Variants in CCDC74B observed in about 807,000 individuals in gnomAD.
The protein encoded by CCDC74B is coiled-coil domain-containing protein 74B.
In CCDC74B, 34 loss-of-function variants were observed where a neutral mutation model predicts 38.0. The ratio of observed to expected loss-of-function variants is 0.89; its 90% confidence interval spans 0.68 to 1.19. CCDC74B has a LOEUF of 1.19. Ranked by LOEUF, CCDC74B falls within the 50% of genes most tolerant of loss-of-function variation. The probability of loss-of-function intolerance (pLI) is 0.00; values close to 1 mark genes in which losing one functional copy is unlikely to be tolerated. For missense variants in CCDC74B, 358 were observed against 406.0 expected (o/e 0.88, Z 1.02); for synonymous variants, 132 against 170.4 (o/e 0.77, Z 1.76).
chr2:130,139,761 A>G (rs1323567605), intron 7 of CCDC74B, 71 bp from the exon 8 acceptor site: 22 of 1,607,488 alleles, frequency 1.4e-5, no homozygotes, highest in East Asian at 6.7e-5. Flanking sequence ...TGCGGCCTGC[A>G]TGGCCCTCAC....
chr2:130,142,305 C>A (rs1257004301), intron 2 of CCDC74B, 122 bp from the exon 3 acceptor site: 1 of 1,610,130 alleles, frequency 6.2e-7, no homozygotes, highest in Non-Finnish European at 8.5e-7. Context: ...CCGGCTCTAC[C>A]CACACTCCGT....
chr2:130,142,564 C>G (rs1280533098), intron 2 of CCDC74B: 2 of 1,550,578 alleles, frequency 1.3e-6, no homozygotes, highest in Non-Finnish European at 1.7e-6. Context: ...TCCCTCAACC[C>G]CATTCTCCAT....
intron 2 of CCDC74B, 87 bp from the exon 3 acceptor site, chr2:130,142,270 T>C (rs1472608993): frequency 6.2e-7 from 1 of 1,600,448 alleles, no homozygotes; most frequent in Non-Finnish European, 8.5e-7. Context: ...GGAGCCCTCC[T>C]TCAGCCTGGC....
rs1297998752 is a variant in CCDC74B at position 130,139,910 on chromosome 2, T to C, written c.790A>G (p.Lys264Glu). 2 of 1,612,484 alleles carry C rather than the reference T, an allele frequency of 1.2e-6. No homozygotes were observed. The highest frequency in any genetic ancestry group is 1.7e-6 in the Non-Finnish European group (2 of 1,179,314). ...EATHFPKVST[K>E]SLSKKCLLLS... ...ACTTACCATTTCTTGGAGAGGCTCT[T>C]GGTGGAGACCTTGGGGAAATGCGTG... is the stretch of plus-strand genomic sequence containing the variant. Residue 264 changes from lysine (K) to glutamate (E), a missense_variant, in exon 7 of 8, where the codon AAG becomes GAG. Around this residue, in one of 3 missense-constraint regions of CCDC74B, gnomAD observed 213 missense variants for 212.3 expected, o/e 1.00. Transcript: ENST00000409943.
intron 4 of CCDC74B, chr2:130,140,950 G>C (rs1242513103): frequency 1.0e-5 from 8 of 773,248 alleles, no homozygotes; most frequent in Non-Finnish European, 1.6e-5. Flanking sequence ...AGGACCCCCA[G>C]GGGAAGGGAG....
At position 130,141,261 on chromosome 2, in the gene CCDC74B, G is replaced by C. The variant is rs746663214; in HGVS notation, c.382C>G (p.Gln128Glu). ...TGGGGGACGTCAGCTTTTGAATCTT[G>C]CTTGTTGAAGGAGCCGGGCTGGGGC... ...ARPQPGSFNKQDSKADVPQKA... is the reference protein window; with the variant it reads ...ARPQPGSFNKEDSKADVPQKA... Residue 128 changes from glutamine (Q) to glutamate (E), a missense_variant, in exon 4 of 8, where the codon CAA (glutamine) becomes GAA (glutamate). Physicochemically the swap from Gln to Glu is conservative, Grantham distance 29. Coordinates refer to ENST00000409943, the MANE Select transcript of CCDC74B (RefSeq NM_001258307.2). The C allele has an allele frequency of 1.2e-6, 2 of 1,605,008 alleles. No homozygotes were observed. Among genetic ancestry groups the C allele is most frequent in the South Asian group, 2.2e-5 (2 of 90,914 alleles).
intron 2 of CCDC74B, 48 bp downstream of exon 2, chr2:130,143,221 C>G (rs1685779073): frequency 1.3e-6 from 2 of 1,597,426 alleles, no homozygotes; most frequent in Non-Finnish European, 1.7e-6. Flanking sequence ...AGGGGCTCCC[C>G]TGGGTGGCAA....
At chr2:130,141,768 A>G in intron 3 of CCDC74B, 2 of 430,982 alleles carry the variant, frequency 4.6e-6, no homozygotes, top group Non-Finnish European at 8.4e-6. Flanking sequence ...GGGCAGTGCC[A>G]TCCCTCCTGT....
At chr2:130,143,666 T>A (rs1685820491) in intron 1 of CCDC74B, among the ~76,000 whole-genome samples, 2 of 151,952 alleles carry the variant, frequency 1.3e-5, no homozygotes, top group South Asian at 4.2e-4. Context: ...CATCAGGGAC[T>A]GGGGGGAGGC....
chr2:130,142,915 C>T lies in CCDC74B; in HGVS notation c.295+354G>A, dbSNP rs1685756072. The T allele has an allele frequency of 9.0e-6, 14 of 1,550,268 alleles. No individual in the cohort carries two copies. The East Asian group carries it at 3.2e-4, about 35-fold the overall frequency. On this transcript the variant is annotated intron_variant, in intron 2 of 7. Coordinates refer to ENST00000409943, the MANE Select transcript of CCDC74B (RefSeq NM_001258307.2). ...AGCCATAGGGCTGGAGATCCTGGGC[C>T]TGGCCACAGCAGCAATCTGAGGCAA... is the stretch of plus-strand genomic sequence containing the variant.
In CCDC74B at chr2:130,139,933, G is replaced by A. The variant is rs372108145; in HGVS notation, c.767C>T (p.Thr256Met). The A allele has an allele frequency of 1.4e-5, 22 of 1,612,186 alleles. No homozygotes were observed. Among genetic ancestry groups the A allele is most frequent in the South Asian group, 5.5e-5 (5 of 90,904 alleles). The change falls in exon 7 of 8, where the codon ACG becomes ATG. Residue 256 changes from threonine (T) to methionine (M), a missense_variant. By Grantham distance (81) the Thr-to-Met change is moderately conservative (BLOSUM62 -1). Coordinates refer to ENST00000409943, the MANE Select transcript of CCDC74B (RefSeq NM_001258307.2). ...EASFPRDQEA[T>M]HFPKVSTKSL... ...CTTGGTGGAGACCTTGGGGAAATGC[G>A]TGGCTTCTTGGTCCCTGGGTGAAGG...
At chr2:130,144,665 G>T in intron 1 of CCDC74B, 82 bp downstream of exon 1, 1 of 1,567,718 alleles carries the variant, frequency 6.4e-7, no homozygotes, top group Non-Finnish European at 8.7e-7. Flanking sequence ...GGAGTTGATG[G>T]CTGTGTTTCT....
Position 130,142,174 on chromosome 2 carries a change from G to A in CCDC74B, c.305C>T (p.Ser102Phe). 2 of 1,613,670 alleles carry A rather than the reference G, an allele frequency of 1.2e-6. No homozygotes were observed. The highest frequency in any genetic ancestry group is 2.2e-5 in the East Asian group (1 of 44,884). The change falls in exon 3 of 8, where the codon TCC (serine) becomes TTC (phenylalanine). Residue 102 changes from serine (S) to phenylalanine (F), a missense_variant. By Grantham distance (155) the Ser-to-Phe change is radical. This residue lies in a region of CCDC74B where 128 missense variants were observed against 146.7 expected (regional missense o/e 0.87). Coordinates refer to ENST00000409943, the MANE Select transcript of CCDC74B (RefSeq NM_001258307.2). ...CTTGACAGACTGGAAGCTTGACGTG[G>A]AGAGGCTGTCTGCAGGAGAGCGCAC... ...NQTSQKKDSLSTSSFQSVKSI... is the reference protein window; with the variant it reads ...NQTSQKKDSLFTSSFQSVKSI...
intron 2 of CCDC74B, chr2:130,142,530 G>C: frequency 6.4e-7 from 1 of 1,553,856 alleles, no homozygotes; most frequent in East Asian, 2.4e-5. Context: ...CACTGGAGTT[G>C]CCACAGCGGC....
Position 130,142,219 on chromosome 2 carries a change from G to A in CCDC74B, c.296-36C>T, listed in dbSNP as rs376959994. 74 of 1,595,038 alleles carry A rather than the reference G, an allele frequency of 4.6e-5. 1 individual carries two copies. Among genetic ancestry groups the A allele is most frequent in the South Asian group, 1.1e-4 (10 of 89,104 alleles). ...GCGCACAGTGTCGGCGCTACCGCCC[G>A]CAAGACGCCCATGCTTGCCTCCTGG... is the stretch of plus-strand genomic sequence containing the variant. On this transcript the variant is annotated intron_variant, in intron 2 of 7. Transcript: ENST00000409943.
At chr2:130,143,158 C>A in intron 2 of CCDC74B, 111 bp downstream of exon 2, 1 of 1,545,708 alleles carries the variant, frequency 6.5e-7, no homozygotes, top group Non-Finnish European at 8.7e-7. Context: ...AACCTGTCCC[C>A]ACTGGGTTGG....
At chr2:130,140,628 G>A (rs1402724687) in intron 4 of CCDC74B, 18 of 522,962 alleles carry the variant, frequency 3.4e-5, no homozygotes, top group African/African-American at 1.2e-4. Context: ...GCTCTTGATC[G>A]TGACCCCACA....
rs1685508404 is a variant in CCDC74B, at chr2:130,140,190, G to A, written c.667C>T (p.Gln223Ter). The change falls in exon 5 of 8, where the codon CAG (glutamine) becomes TAG (stop). Residue 223 changes from glutamine (Q) to a stop codon, truncating the protein, a stop_gained. Coordinates refer to ENST00000409943, the MANE Select transcript of CCDC74B (RefSeq NM_001258307.2). LOFTEE classifies it high-confidence loss of function. Reference sequence around the variant, plus strand: ...ACCCAGGGCCTCACCTCTTGGGTCTGCAGGAGGTTGGTATTCCACAGCTCG... The same window carrying A: ...ACCCAGGGCCTCACCTCTTGGGTCTACAGGAGGTTGGTATTCCACAGCTCG... The part of the protein sequence containing the change: ...IRELWNTNLL[Q>*]TQELQHLKSL... 11 of 1,612,800 alleles carry A rather than the reference G, an allele frequency of 6.8e-6. No individual in the cohort carries two copies. In the East Asian group the frequency reaches 2.0e-4, roughly 29 times the overall value.
Position 130,144,929 on chromosome 2 carries a change from C to A in CCDC74B, c.68G>T (p.Arg23Leu). Residue 23 changes from arginine (R) to leucine (L), a missense_variant, in exon 1 of 8, where the codon CGG becomes CTG. Physicochemically the swap from Arg to Leu is moderately radical, Grantham distance 102. Transcript: ENST00000409943. ...PSSPTPGSRR[R>L]RQRPSVGVQS... The stretch of plus-strand genomic sequence containing the variant: ...GACGCCCACAGAGGGGCGCTGGCGC[C>A]GGCGCCGAGAGCCCGGGGTCGGCGA... 1.3e-6 allele frequency: 2 copies of A among 1,537,026 alleles called. No individual in the cohort carries two copies. The highest frequency in any genetic ancestry group is 1.7e-6 in the Non-Finnish European group (2 of 1,147,684).
Sources: gnomAD v4.1 joint callset for allele counts (sites outside exome capture counted in the v4.1 genomes callset) on GRCh38, gnomAD v4.1.1 for gene constraint, gnomAD v4.1.1 regional missense constraint, MANE v1.5 for transcripts, NCBI Gene and HGNC (gene_info 2026-07-23, HGNC 2026-07-21) for gene names.